Variants in PPAT observed in about 807,000 individuals in gnomAD.
PPAT encodes the protein phosphoribosyl pyrophosphate amidotransferase.
Under a neutral mutation model 60.2 loss-of-function variants are expected in PPAT, and 20 were observed. The observed-to-expected ratio is 0.33, with a 90% CI of 0.23 to 0.48. PPAT has a LOEUF of 0.48. PPAT is among the 20% of genes least tolerant of loss of function. The pLI is 0.99. For synonymous variants in PPAT, 194 were observed against 215.1 expected (o/e 0.90, Z 0.86); for missense variants, 349 against 629.6 (o/e 0.55, Z 4.77).
intron 1 of PPAT, among the ~76,000 whole-genome samples, chr4:56,412,578 C>G (rs1716517420): frequency 6.6e-6 from 1 of 152,170 alleles, no homozygotes; most frequent in East Asian, 1.9e-4. Context: ...AGGCACGATC[C>G]ACCACATCTA....
rs1715976058 is a variant in PPAT, at chr4:56,396,745, A to C, written c.1237-6T>G. On this transcript the variant is annotated splice_polypyrimidine_tract_variant and splice_region_variant and intron_variant, in intron 9 of 10. Transcript: ENST00000264220. The surrounding 1 kb of genome is among the most constrained non-coding windows in gnomAD (Gnocchi z 4.6). The stretch of plus-strand genomic sequence containing the variant: ...GAAGCTACTCGAATGTGTACCTTGG[A>C]AAGAAATCATTGCACACAAGGTTTT... 1 of 1,606,296 alleles carries C rather than the reference A, an allele frequency of 6.2e-7. No individual in the cohort carries two copies.
chr4:56,432,433 C>T (rs1717635753), intron 1 of PPAT, among the ~76,000 whole-genome samples: 2 of 147,786 alleles, frequency 1.4e-5, no homozygotes, highest in African/African-American at 2.5e-5. Context: ...GAGACAGGTA[C>T]GAGAATCACT....
At chr4:56,407,985 T>A (rs974025776) in intron 1 of PPAT, 1 of 342,302 alleles carries the variant, frequency 2.9e-6, no homozygotes, top group South Asian at 5.1e-5. Context: ...TAAAAATAAA[T>A]AATTTAAAAG....
chr4:56,423,916 T>A (rs1188914579), intron 1 of PPAT, among the ~76,000 whole-genome samples: 1 of 152,164 alleles, frequency 6.6e-6, no homozygotes, highest in Non-Finnish European at 1.5e-5. Flanking sequence ...ACTCCGCTCT[T>A]AGGAAGAATG....
At chr4:56,412,140 C>T (rs1013139869) in intron 1 of PPAT, among the ~76,000 whole-genome samples, 1 of 152,074 alleles carries the variant, frequency 6.6e-6, no homozygotes, top group African/African-American at 2.4e-5. Flanking sequence ...ATGTGGGTGC[C>T]AATATCTCAA....
intron 9 of PPAT, among the ~76,000 whole-genome samples, chr4:56,398,260 T>C (rs7657711): frequency 0.68 from 103,698 of 151,776 alleles, 35,540 homozygotes; most frequent in South Asian, 0.76. Context: ...GTTGCAGCTA[T>C]TCAGAAGGCT....
At chr4:56,434,954 C>A (rs1717815696) in intron 1 of PPAT, among the ~76,000 whole-genome samples, 1 of 152,184 alleles carries the variant, frequency 6.6e-6, no homozygotes, top group Non-Finnish European at 1.5e-5. Flanking sequence ...CTGGCCGCCA[C>A]GCCACACTAG....
At chr4:56,429,544 A>T (rs1717474352) in intron 1 of PPAT, among the ~76,000 whole-genome samples, 1 of 152,184 alleles carries the variant, frequency 6.6e-6, no homozygotes, top group Non-Finnish European at 1.5e-5. Context: ...TAAGACTAAT[A>T]AGAAAACCTG....
chr4:56,408,837 T>C (rs1024562113), intron 1 of PPAT, among the ~76,000 whole-genome samples: 2 of 152,034 alleles, frequency 1.3e-5, no homozygotes, highest in African/African-American at 4.8e-5. Flanking sequence ...TAACATCCTC[T>C]GTAAAAAAAT....
intron 3 of PPAT, among the ~76,000 whole-genome samples, chr4:56,405,464 G>C (rs934948791): frequency 6.6e-6 from 1 of 152,182 alleles, no homozygotes; most frequent in African/African-American, 2.4e-5. Flanking sequence ...ATCAGTATGA[G>C]GGCTAGTTGC....
intron 1 of PPAT, among the ~76,000 whole-genome samples, chr4:56,413,430 C>A (rs1448987192): frequency 3.3e-5 from 5 of 152,016 alleles, no homozygotes; most frequent in Non-Finnish European, 7.4e-5. Flanking sequence ...GCTGGCATTA[C>A]AGGCCTGAGG....
At chr4:56,407,758 G>T in intron 1 of PPAT, 42 bp from the exon 2 acceptor site, 3 of 1,448,114 alleles carry the variant, frequency 2.1e-6, no homozygotes, top group South Asian at 1.1e-5. Context: ...TCTGCCAATT[G>T]ATTAGCTTCT....
chr4:56,395,944 G>A (rs745388146), intron 10 of PPAT, among the ~76,000 whole-genome samples: 1 of 152,116 alleles, frequency 6.6e-6, no homozygotes, highest in Non-Finnish European at 1.5e-5. Context: ...TTGCCTAAAT[G>A]TAGAGTTTTT....
Position 56,431,127 on chromosome 4 carries a change from C to CA in PPAT, c.128+4222dup, listed in dbSNP as rs149776985. Among the ~76,000 whole-genome samples the CA allele has an allele frequency of 1.8e-3, 273 of 152,172 alleles. 1 individual carries two copies. Among genetic ancestry groups the CA allele is most frequent in the African/African-American group, 6.4e-3 (267 of 41,512 alleles). On this transcript the variant is annotated intron_variant, in intron 1 of 10. Transcript: ENST00000264220. The stretch of plus-strand genomic sequence containing the variant: ...CTTAAAATAAGTCACTCCCTCAAAC[C>CA]AAAATTTACTTGACTCAGATAAAGG...
chr4:56,425,960 T>C (rs1717262862), intron 1 of PPAT, among the ~76,000 whole-genome samples: 1 of 152,228 alleles, frequency 6.6e-6, no homozygotes, highest in South Asian at 2.1e-4. Context: ...TACTTTTCTA[T>C]TCTCAAACCT....
intron 9 of PPAT, among the ~76,000 whole-genome samples, chr4:56,398,758 G>A (rs1415740770): frequency 6.6e-6 from 1 of 151,998 alleles, no homozygotes; most frequent in Admixed American, 6.6e-5. Context: ...CCTATTTTGT[G>A]TAGTTAGTCT....
intron 1 of PPAT, among the ~76,000 whole-genome samples, chr4:56,433,637 G>GCCT (rs1337075045): frequency 6.6e-6 from 1 of 151,760 alleles, no homozygotes; most frequent in African/African-American, 2.4e-5. Context: ...AGACCACCAG[G>GCCT]CAACCCTAAA....
intron 1 of PPAT, 34 bp downstream of exon 1, chr4:56,435,316 C>T (rs1019211343): frequency 1.2e-6 from 2 of 1,611,014 alleles, no homozygotes; most frequent in East Asian, 2.2e-5. Flanking sequence ...GAGATGGAGA[C>T]GCACGCCCCC....
In PPAT at chr4:56,395,273, A is replaced by G; in HGVS notation, c.*79T>C. ...TTTTACATTGTACCAACTGAGTAAC[A>G]GTAAATAGATGAGGTGTGACCACTA... On this transcript the variant is annotated 3_prime_UTR_variant, in exon 11 of 11. Coordinates refer to ENST00000264220, the MANE Select transcript of PPAT (RefSeq NM_002703.5). The G allele has an allele frequency of 8.2e-7, 1 of 1,212,198 alleles. No individual in the cohort carries two copies. Among genetic ancestry groups the G allele is most frequent in the Admixed American group, 2.5e-5 (1 of 39,806 alleles). 75.1% of individuals were successfully genotyped at this position (1,212,198 alleles called of 1,614,324 possible).
Sources: allele counts gnomAD v4.1 joint callset (sites outside exome capture counted in the v4.1 genomes callset), GRCh38; gene constraint gnomAD v4.1.1; non-coding constraint Gnocchi (gnomAD v3.1); transcripts MANE v1.5; gene names NCBI Gene and HGNC (gene_info 2026-07-23, HGNC 2026-07-21).